PDE9A: variants seen among roughly 807,000 people sequenced by gnomAD.
PDE9A encodes phosphodiesterase 9A, also known as high affinity cGMP-specific 3',5'-cyclic phosphodiesterase 9A.
A neutral mutation model predicts 87.4 loss-of-function variants in PDE9A; 60 were observed. The observed-to-expected ratio is 0.69, with a 90% confidence interval of 0.56 to 0.85. The LOEUF (loss-of-function observed/expected upper bound fraction) is 0.85, where lower values mean the gene tolerates loss of function less well. Ranked by LOEUF, PDE9A falls within the 40% of genes least tolerant of loss-of-function variation. PDE9A has a pLI of 0.00. For missense variants in PDE9A, 665 were observed against 779.0 expected, an observed-to-expected ratio of 0.85 and a Z score of 1.74; for synonymous variants, 272 against 279.4, an observed-to-expected ratio of 0.97 and a Z score of 0.27.
intron 3 of PDE9A, among the ~76,000 whole-genome samples, chr21:42,688,938 C>T (rs995875936): frequency 4.7e-5 from 7 of 149,768 alleles, no homozygotes; most frequent in African/African-American, 7.4e-5. Context: ...CCCCAGTGGA[C>T]GTGGCCAGTG....
intron 1 of PDE9A, among the ~76,000 whole-genome samples, chr21:42,663,369 G>A (rs1181125774): frequency 6.6e-6 from 1 of 152,190 alleles, no homozygotes; most frequent in South Asian, 2.1e-4. Context: ...AGATGACAGA[G>A]AAGTCAGCAG....
intron 1 of PDE9A, among the ~76,000 whole-genome samples, chr21:42,674,084 C>G (rs1202637823): frequency 6.6e-6 from 1 of 152,202 alleles, no homozygotes; most frequent in Non-Finnish European, 1.5e-5. Flanking sequence ...CAGATTCCCC[C>G]TCCCCAAACC....
intron 4 of PDE9A, among the ~76,000 whole-genome samples, chr21:42,703,856 C>T (rs867714192): frequency 3.3e-5 from 5 of 152,344 alleles, no homozygotes; most frequent in Middle Eastern, 3.4e-3. Context: ...TCACATTAAA[C>T]TTCGCATCGT....
Position 42,775,427 on chromosome 21 carries a change from CA to C in PDE9A, c.*147del, listed in dbSNP as rs113117026. ...CTAAGAACCATTTTGTTCACTGATA[CA>C]AAAAAAAAAAAAGGAATTCATGATG... On this transcript the variant is annotated 3_prime_UTR_variant, in exon 20 of 20. Transcript: ENST00000291539. The C allele has an allele frequency of 0.2, 74,972 of 383,498 alleles. 66 individuals are homozygous for C. Among genetic ancestry groups the C allele is most frequent in the East Asian group, 0.23 (5,026 of 21,790 alleles). 23.8% of individuals were successfully genotyped at this position (383,498 alleles called of 1,614,324 possible). A position where few individuals can be genotyped will look rare whatever the true frequency, so the allele number is the denominator to read the frequency against.
rs112663242 is a variant in PDE9A at position 42,750,998 on chromosome 21, C to T, written c.654-118C>T. On this transcript the variant is annotated intron_variant, in intron 8 of 19. Transcript: ENST00000291539. ...TGCTGCTGCCCTGACTCCTCTCCCA[C>T]AGCAAATAAGACCACACGGGGCTTG... is the stretch of plus-strand genomic sequence containing the variant. 3,983 of 743,056 alleles carry T rather than the reference C, an allele frequency of 5.4e-3. 115 individuals carry two copies. The African/African-American group carries it at 0.061, about 11-fold the overall frequency. 46.0% of individuals were successfully genotyped at this position (743,056 alleles called of 1,614,324 possible). A position where few individuals can be genotyped will look rare whatever the true frequency, so the allele number is the denominator to read the frequency against.
intron 9 of PDE9A, among the ~76,000 whole-genome samples, chr21:42,752,747 G>A (rs2054569412): frequency 6.6e-6 from 1 of 152,252 alleles, no homozygotes. Context: ...AGACCTAGGA[G>A]AAGACAGTGT....
intron 4 of PDE9A, chr21:42,700,843 AC>A (rs1317935591): frequency 6.6e-6 from 1 of 152,192 alleles, no homozygotes; most frequent in African/African-American, 2.4e-5. Flanking sequence ...ATGTCTTAAA[AC>A]AACAGCACAC....
chr21:42,765,557 T>C, intron 15 of PDE9A, 63 bp downstream of exon 15: 1 of 847,332 alleles, frequency 1.2e-6, no homozygotes, highest in South Asian at 1.4e-5. Flanking sequence ...AGGTCATCCA[T>C]CCAGCTCACA....
In PDE9A at chr21:42,743,735, G is replaced by C. The variant is rs138843498; in HGVS notation, c.569-41G>C. On this transcript the variant is annotated intron_variant, in intron 7 of 19. Transcript: ENST00000291539. Reference sequence around the variant, plus strand: ...CAGCCTTGAGAGATCCTCCACATTCGTCCGTGGTAACCCCCTTGCTGTCTC... The same window carrying C: ...CAGCCTTGAGAGATCCTCCACATTCCTCCGTGGTAACCCCCTTGCTGTCTC... 1.4e-3 allele frequency: 1,852 copies of C among 1,308,552 alleles called. 22 individuals carry two copies. The African/African-American group carries it at 0.024, about 17-fold the overall frequency. 81.1% of individuals were successfully genotyped at this position (1,308,552 alleles called of 1,614,324 possible).
rs370658389 is a variant in PDE9A at position 42,761,994 on chromosome 21, G to C, written c.1086-89G>C. ...ACGGCACCTTCTCCTGACTCTACTTGCTCCACTTACATGGCTGGGTGTTGC... is the reference window on the plus strand; with the variant it reads ...ACGGCACCTTCTCCTGACTCTACTTCCTCCACTTACATGGCTGGGTGTTGC... On this transcript the variant is annotated intron_variant, in intron 13 of 19. Transcript: ENST00000291539. The C allele has an allele frequency of 4.5e-6, 6 of 1,333,616 alleles. No individual in the cohort carries two copies. The South Asian group carries it at 8.0e-5, about 18-fold the overall frequency. The allele number at this position is 1,333,616 out of a possible 1,614,324, so 82.6% of individuals were successfully genotyped here.
At chr21:42,767,423 G>C (rs2056515950) in intron 15 of PDE9A, among the ~76,000 whole-genome samples, 1 of 152,172 alleles carries the variant, frequency 6.6e-6, no homozygotes. Context: ...GGCCTGAATG[G>C]CTTCCTGGGA....
intron 4 of PDE9A, among the ~76,000 whole-genome samples, chr21:42,727,179 A>G (rs188571372): frequency 6.6e-6 from 1 of 151,632 alleles, no homozygotes; most frequent in Non-Finnish European, 1.5e-5. Flanking sequence ...GAGTCTTCCA[A>G]CCCATTAACA....
chr21:42,686,579 C>T (rs1351656907), intron 2 of PDE9A, among the ~76,000 whole-genome samples: 1 of 152,304 alleles, frequency 6.6e-6, no homozygotes, highest in East Asian at 1.9e-4. Context: ...CTTTGAGAGG[C>T]CGAGGTGGGC....
intron 1 of PDE9A, among the ~76,000 whole-genome samples, chr21:42,677,498 G>T (rs1257489676): frequency 6.6e-6 from 1 of 152,158 alleles, no homozygotes; most frequent in Non-Finnish European, 1.5e-5. Context: ...TGCAGAGAGG[G>T]CGCTGTCTTA....
intron 1 of PDE9A, among the ~76,000 whole-genome samples, chr21:42,670,250 T>TTCACACTC (rs796372335): frequency 1.8e-5 from 2 of 108,342 alleles, no homozygotes; most frequent in African/African-American, 1.1e-4. Flanking sequence ...CTCATACACA[T>TTCACACTC]ACATACATTC....
At chr21:42,661,966 T>C (rs528454616) in intron 1 of PDE9A, among the ~76,000 whole-genome samples, 1 of 152,244 alleles carries the variant, frequency 6.6e-6, no homozygotes. Flanking sequence ...GGCCGATTTG[T>C]CATTTGTCTG....
intron 1 of PDE9A, among the ~76,000 whole-genome samples, chr21:42,657,174 G>A (rs540277377): frequency 1.3e-5 from 2 of 152,336 alleles, no homozygotes; most frequent in South Asian, 4.1e-4. Flanking sequence ...TAGCCATGAG[G>A]ATGGCCTGGT....
chr21:42,721,800 T>C (rs7281911), intron 4 of PDE9A, among the ~76,000 whole-genome samples: 97,072 of 151,722 alleles, frequency 0.64, 31,598 homozygotes, highest in East Asian at 0.94. Flanking sequence ...TCTCAGGGGT[T>C]GGAGGTTGGA....
intron 2 of PDE9A, among the ~76,000 whole-genome samples, 158 bp downstream of exon 2, chr21:42,686,420 G>A (rs2059478632): frequency 6.6e-6 from 1 of 152,254 alleles, no homozygotes; most frequent in South Asian, 2.1e-4. Context: ...TCCCGAGGGA[G>A]GCTCAGCCGC....
Sources: allele counts gnomAD v4.1 joint callset (sites outside exome capture counted in the v4.1 genomes callset), GRCh38; gene constraint gnomAD v4.1.1; transcripts MANE v1.5; gene names NCBI Gene and HGNC (gene_info 2026-07-23, HGNC 2026-07-21).